Variants in ZC3H7B observed in about 807,000 individuals in gnomAD.
ZC3H7B encodes zinc finger CCCH-type containing 7B.
ZC3H7B carries 35 observed loss-of-function variants against 116.0 expected under a neutral mutation model. That is an observed-to-expected ratio of 0.30 (90% CI 0.23 to 0.40). The LOEUF (loss-of-function observed/expected upper bound fraction) is 0.40. Among genes scored for constraint, ZC3H7B ranks in the 10% least tolerant of loss-of-function variants. ZC3H7B has a pLI of 1.00. For synonymous variants in ZC3H7B, 502 were observed against 545.6 expected, an observed-to-expected ratio of 0.92 and a Z score of 1.11; for missense variants, 1,011 against 1,321.5, an observed-to-expected ratio of 0.77 and a Z score of 3.64.
intron 16 of ZC3H7B, among the ~76,000 whole-genome samples, chr22:41,350,208 T>C (rs2281332): frequency 0.41 from 62,415 of 152,000 alleles, 15,608 homozygotes; most frequent in African/African-American, 0.67. Flanking sequence ...GAGCAAGCTC[T>C]GCACAGAAAG....
chr22:41,344,162 T>C (rs984568640), intron 13 of ZC3H7B, among the ~76,000 whole-genome samples: 3 of 152,188 alleles, frequency 2.0e-5, no homozygotes, highest in Non-Finnish European at 2.9e-5. Context: ...GCCTTCCCAG[T>C]GTAGCCCTTT....
At chr22:41,326,249 C>A (rs2036316389) in intron 4 of ZC3H7B, among the ~76,000 whole-genome samples, 1 of 152,186 alleles carries the variant, frequency 6.6e-6, no homozygotes, top group Admixed American at 6.5e-5. Flanking sequence ...CTGCTCCTCC[C>A]TCCCGGCCCC....
chr22:41,324,070 GAA>G (rs1043166072), intron 2 of ZC3H7B, among the ~76,000 whole-genome samples: 1 of 146,066 alleles, frequency 6.8e-6, no homozygotes, highest in African/African-American at 2.5e-5. Context: ...ACTCTGTCTG[GAA>G]AAAAAAAAAG....
rs1356461057 is a variant in ZC3H7B at position 41,357,295 on chromosome 22, C to T, written c.2800C>T (p.Arg934Cys). The T allele has an allele frequency of 3.7e-6, 6 of 1,613,796 alleles. No individual in the cohort carries two copies. Among genetic ancestry groups the T allele is most frequent in the East Asian group, 2.2e-5 (1 of 44,882 alleles). ...GCTGAAGCAGAAGTTGGCCAAGGCT[C>T]GCAAGGACATGCTGCTGTGCCCACG... is the stretch of plus-strand genomic sequence containing the variant. Reference protein sequence around the residue: ...EVLKQKLAKARKDMLLCPRDD... With the variant: ...EVLKQKLAKACKDMLLCPRDD... The change falls in exon 23 of 23, where the codon CGC (arginine) becomes TGC (cysteine). Residue 934 changes from arginine to cysteine, a missense_variant. By Grantham distance (180) the Arg-to-Cys change is radical (BLOSUM62 -3). Coordinates refer to ENST00000352645, the MANE Select transcript of ZC3H7B (RefSeq NM_017590.6). This position sits in a 1 kb window ranked among gnomAD's most constrained non-coding sequence, Gnocchi z 5.4.
In ZC3H7B at chr22:41,346,922, G is replaced by A. The variant is rs766906910; in HGVS notation, c.1665+714G>A. Among the ~76,000 whole-genome samples, 30 of 146,426 alleles carry A rather than the reference G, an allele frequency of 2.0e-4. No homozygotes were observed. The Middle Eastern group carries it at 0.026, about 125-fold the overall frequency. ...GTAGAGGCTGCAGTGAGCCAAGATC[G>A]AACCACTGCACTCCAGCCTGGGTGA... On this transcript the variant is annotated intron_variant, in intron 14 of 22. Coordinates refer to ENST00000352645, the MANE Select transcript of ZC3H7B (RefSeq NM_017590.6). The surrounding 1 kb of genome is among the most constrained non-coding windows in gnomAD (Gnocchi z 5.3).
chr22:41,327,443 C>T lies in ZC3H7B; in HGVS notation c.444+79C>T. ...CCTTCCGGCCCTCACTTGGGCCCAG[C>T]CACCACATCCTTCTGTGTCTCACTT... On this transcript the variant is annotated intron_variant, in intron 5 of 22. Transcript: ENST00000352645. This position sits in a 1 kb window ranked among gnomAD's most constrained non-coding sequence, Gnocchi z 4.5. 6.5e-7 allele frequency: 1 copy of T among 1,535,818 alleles called. No homozygotes were observed.
chr22:41,341,208 G>A, intron 11 of ZC3H7B, 62 bp downstream of exon 11: 1 of 1,597,196 alleles, frequency 6.3e-7, no homozygotes, highest in Non-Finnish European at 8.6e-7. Flanking sequence ...GGGTTCTAGA[G>A]TTGGGGAATG....
rs557567362 is a variant in ZC3H7B, at chr22:41,302,974, T to C, written c.-7+1202T>C. Among the ~76,000 whole-genome samples, 1 of 152,350 alleles carries C rather than the reference T, an allele frequency of 6.6e-6. No individual in the cohort carries two copies. The highest frequency in any genetic ancestry group is 2.4e-5 in the African/African-American group (1 of 41,584). On this transcript the variant is annotated intron_variant, in intron 1 of 22. Coordinates refer to ENST00000352645, the MANE Select transcript of ZC3H7B (RefSeq NM_017590.6). This position sits in a 1 kb window ranked among gnomAD's most constrained non-coding sequence, Gnocchi z 5.7. ...CCTCAGCATCTGCAGTTCAGCCTGA[T>C]GAAAATAGCAGAATGCAGATCCTTG...
At chr22:41,341,253 A>G (rs890432226) in intron 11 of ZC3H7B, 107 bp downstream of exon 11, 4 of 1,309,646 alleles carry the variant, frequency 3.1e-6, no homozygotes, top group Non-Finnish European at 4.3e-6. Flanking sequence ...TGCATTCCCC[A>G]CGGCGGGGCA....
At chr22:41,352,143 C>T (rs1316280220) in intron 17 of ZC3H7B, among the ~76,000 whole-genome samples, 1 of 152,210 alleles carries the variant, frequency 6.6e-6, no homozygotes, top group African/African-American at 2.4e-5. Flanking sequence ...TCTTTTTCAT[C>T]TCCCTTGATG....
rs2036736927 is a variant in ZC3H7B, at chr22:41,357,464, CA to C, written c.*36del. 2.1e-5 allele frequency: 29 copies of C among 1,382,522 alleles called. No homozygotes were observed. The highest frequency in any genetic ancestry group is 3.0e-5 in the African/African-American group (2 of 66,230). 85.6% of individuals were successfully genotyped at this position (1,382,522 alleles called of 1,614,324 possible). A position where few individuals can be genotyped will look rare whatever the true frequency, so the allele number is the denominator to read the frequency against. ...TTGGCCGTGGGTGAAGTCCTGGGGT[CA>C]GGGGGTGGGGTGGGGCCAGAAGGCC... On this transcript the variant is annotated 3_prime_UTR_variant, in exon 23 of 23. Transcript: ENST00000352645. The surrounding 1 kb of genome is among the most constrained non-coding windows in gnomAD (Gnocchi z 5.4).
intron 2 of ZC3H7B, among the ~76,000 whole-genome samples, chr22:41,324,691 G>A (rs957181420): frequency 1.5e-4 from 23 of 152,186 alleles, no homozygotes; most frequent in Non-Finnish European, 3.2e-4. Flanking sequence ...CCAGCATGAG[G>A]GACTGACAGG....
chr22:41,356,624 C>T (rs2036722223), intron 21 of ZC3H7B, 21 bp from the exon 22 acceptor site: 2 of 1,612,982 alleles, frequency 1.2e-6, no homozygotes, highest in Non-Finnish European at 1.7e-6. Context: ...GAGCAGGCAC[C>T]CATGATGGCT....
chr22:41,302,051 T>C lies in ZC3H7B; in HGVS notation c.-7+279T>C, dbSNP rs1199768452. Among the ~76,000 whole-genome samples, 1 of 152,106 alleles carries C rather than the reference T, an allele frequency of 6.6e-6. No individual in the cohort carries two copies. Among genetic ancestry groups the C allele is most frequent in the East Asian group, 1.9e-4 (1 of 5,182 alleles). On this transcript the variant is annotated intron_variant, in intron 1 of 22. Transcript: ENST00000352645. This position sits in a 1 kb window ranked among gnomAD's most constrained non-coding sequence, Gnocchi z 5.7. ...AAGTTACCGTGTGGCCGGGGGCACC[T>C]GGCGCTGGGGAGACTTGGCCGCCCC...
At chr22:41,332,305 G>T in intron 7 of ZC3H7B, 78 bp downstream of exon 7, 1 of 1,577,832 alleles carries the variant, frequency 6.3e-7, no homozygotes, top group South Asian at 1.1e-5. Flanking sequence ...GGGTATAAAT[G>T]ACCTCAGGCA....
intron 1 of ZC3H7B, among the ~76,000 whole-genome samples, chr22:41,318,976 A>C (rs1394432607): frequency 6.6e-6 from 1 of 152,060 alleles, no homozygotes; most frequent in African/African-American, 2.4e-5. Flanking sequence ...CTCCATTCAA[A>C]TGTCAAAGTG....
chr22:41,349,053 C>T lies in ZC3H7B; in HGVS notation c.1767-67C>T. 4 of 1,544,174 alleles carry T rather than the reference C, an allele frequency of 2.6e-6. No homozygotes were observed. The South Asian group carries it at 4.7e-5, about 18-fold the overall frequency. The stretch of plus-strand genomic sequence containing the variant: ...AGAGCCTGGCACTGGGAAGGTGGCC[C>T]TACCAGGAGAGAAGGTCAGAGGGGC... On this transcript the variant is annotated intron_variant, in intron 15 of 22. Transcript: ENST00000352645. This position sits in a 1 kb window ranked among gnomAD's most constrained non-coding sequence, Gnocchi z 4.9.
intron 6 of ZC3H7B, 119 bp from the exon 7 acceptor site, chr22:41,332,052 C>A: frequency 1.9e-6 from 2 of 1,032,244 alleles, no homozygotes; most frequent in African/African-American, 1.6e-5. Flanking sequence ...CAGGGACTCT[C>A]GGGGGCGCTG....
chr22:41,348,906 G>A (rs2145938592), intron 15 of ZC3H7B, among the ~76,000 whole-genome samples: 1 of 152,258 alleles, frequency 6.6e-6, no homozygotes, highest in Non-Finnish European at 1.5e-5. Context: ...CCTGGGGGAG[G>A]GACAGGAGTA....
Sources: allele counts gnomAD v4.1 joint callset (sites outside exome capture counted in the v4.1 genomes callset), GRCh38; gene constraint gnomAD v4.1.1; non-coding constraint Gnocchi (gnomAD v3.1); transcripts MANE v1.5; gene names NCBI Gene and HGNC (gene_info 2026-07-23, HGNC 2026-07-21).